SNRK: variants seen among roughly 807,000 people sequenced by gnomAD.
SNRK encodes the protein SNF-related serine/threonine-protein kinase.
SNRK carries 3 observed loss-of-function variants against 48.2 expected under a neutral mutation model. The observed-to-expected ratio is 0.06, with a 90% confidence interval of 0.03 to 0.16. The LOEUF is 0.16. Among genes scored for constraint, SNRK ranks in the 10% least tolerant of loss-of-function variants. The pLI is 1.00. For missense variants in SNRK, 627 were observed against 976.0 expected (o/e 0.64, Z 4.76); for synonymous variants, 376 against 366.1 (o/e 1.03, Z -0.31).
intron 3 of SNRK, among the ~76,000 whole-genome samples, chr3:43,311,695 G>A (rs1160031010): frequency 6.6e-6 from 1 of 152,074 alleles, no homozygotes; most frequent in Non-Finnish European, 1.5e-5. Context: ...ATGAACCTGT[G>A]CCTGCTGGGC....
At chr3:43,304,923 T>G (rs1044638442) in intron 3 of SNRK, among the ~76,000 whole-genome samples, 1 of 152,120 alleles carries the variant, frequency 6.6e-6, no homozygotes, top group Non-Finnish European at 1.5e-5. Flanking sequence ...CATTAGAATA[T>G]CTGAGCGGAG....
chr3:43,286,915 C>G (rs1298570529), intron 1 of SNRK, among the ~76,000 whole-genome samples: 1 of 145,474 alleles, frequency 6.9e-6, no homozygotes, highest in Non-Finnish European at 1.5e-5. Context: ...GGGGCGGCGG[C>G]GGGGCCCGGC....
rs1489113656 is a variant in SNRK at position 43,332,384 on chromosome 3, C to G, written c.731+74C>G. 8 of 963,264 alleles carry G rather than the reference C, an allele frequency of 8.3e-6. No individual in the cohort carries two copies. In the East Asian group the frequency reaches 4.2e-4, roughly 51 times the overall value. The allele number at this position is 963,264 out of a possible 1,614,324, so 59.7% of individuals were successfully genotyped here. ...AGAAGTTTTAATTCCATTAATATGT[C>G]AAGAAAATTTGAGAGGACTTCAAAC... On this transcript the variant is annotated intron_variant, in intron 4 of 6. Transcript: ENST00000296088.
intron 3 of SNRK, among the ~76,000 whole-genome samples, chr3:43,329,598 C>G (rs2091130489): frequency 6.6e-6 from 1 of 152,206 alleles, no homozygotes. Flanking sequence ...GCTTAGCCAA[C>G]TACTTGACAT....
Position 43,347,774 on chromosome 3 carries a change from G to A in SNRK, c.1515G>A (p.Leu505=), listed in dbSNP as rs768551123. 9 of 1,614,198 alleles carry A rather than the reference G, an allele frequency of 5.6e-6. No individual in the cohort carries two copies. The highest frequency in any genetic ancestry group is 1.6e-4 in the Middle Eastern group (1 of 6,062). Residue 505 remains leucine, a synonymous_variant, in exon 7 of 7, where the codon CTG becomes CTA. Transcript: ENST00000296088. The surrounding 1 kb of genome is among the most constrained non-coding windows in gnomAD (Gnocchi z 5.4). ...ATGAGTTTGACATGGATGAGAATCTGCCTCCCAAGTTGAGCAGGTTAAAGA... is the reference window on the plus strand; with the variant it reads ...ATGAGTTTGACATGGATGAGAATCTACCTCCCAAGTTGAGCAGGTTAAAGA... ...SDDEFDMDEN[L]PPKLSRLKMN...
intron 3 of SNRK, among the ~76,000 whole-genome samples, chr3:43,330,931 A>G (rs1484372509): frequency 6.6e-6 from 1 of 152,248 alleles, no homozygotes; most frequent in Non-Finnish European, 1.5e-5. Flanking sequence ...TACGTATTAA[A>G]AAATCACATT....
chr3:43,302,380 A>G (rs903444939), intron 2 of SNRK, among the ~76,000 whole-genome samples: 5 of 152,236 alleles, frequency 3.3e-5, no homozygotes, highest in Non-Finnish European at 7.3e-5. Context: ...TTGCATTTCA[A>G]AATTTAATAA....
intron 3 of SNRK, among the ~76,000 whole-genome samples, chr3:43,312,156 GA>G (rs1224430622): frequency 6.6e-6 from 1 of 152,084 alleles, no homozygotes; most frequent in Non-Finnish European, 1.5e-5. Context: ...TTTCAAAGAT[GA>G]AATATTCAGT....
In SNRK at chr3:43,329,054, T is replaced by G. The variant is rs1478166071; in HGVS notation, c.590-3115T>G. ...ACTATTAGTACTTCCATTTTAAAGA[T>G]TGGGAACACATTTTAAAATAATTTG... On this transcript the variant is annotated intron_variant, in intron 3 of 6. Transcript: ENST00000296088. Among the ~76,000 whole-genome samples, 4 of 152,248 alleles carry G rather than the reference T, an allele frequency of 2.6e-5. No individual in the cohort carries two copies. The East Asian group carries it at 7.7e-4, about 29-fold the overall frequency.
chr3:43,316,363 A>G (rs375306196), intron 3 of SNRK, among the ~76,000 whole-genome samples: 1 of 128,832 alleles, frequency 7.8e-6, no homozygotes, highest in Non-Finnish European at 1.6e-5. Flanking sequence ...AAAAATACCT[A>G]TGTTGCCTGG....
chr3:43,295,453 G>T (rs185069584), intron 1 of SNRK, among the ~76,000 whole-genome samples: 1 of 152,102 alleles, frequency 6.6e-6, no homozygotes. Context: ...ACCTTGTCTT[G>T]GAAAATGCTT....
intron 6 of SNRK, among the ~76,000 whole-genome samples, chr3:43,344,014 C>T (rs1389279079): frequency 1.3e-5 from 2 of 152,138 alleles, no homozygotes; most frequent in Admixed American, 6.5e-5. Context: ...CTTAGCTACC[C>T]GATCTGTAAA....
At position 43,312,591 on chromosome 3, in the gene SNRK, A is replaced by G. The variant is rs73831248; in HGVS notation, c.589+8799A>G. Among the ~76,000 whole-genome samples the G allele has an allele frequency of 6.6e-5, 10 of 152,294 alleles. 1 individual carries two copies. Among genetic ancestry groups the G allele is most frequent in the East Asian group, 3.9e-4 (2 of 5,178 alleles). On this transcript the variant is annotated intron_variant, in intron 3 of 6. Coordinates refer to ENST00000296088, the MANE Select transcript of SNRK (RefSeq NM_017719.5). ...CTAAGTTGAGAAACAAGGCAAGGAT[A>G]TACATATATCACTTTTACTCAACAT... is the stretch of plus-strand genomic sequence containing the variant.
At chr3:43,291,277 T>G (rs542644260) in intron 1 of SNRK, among the ~76,000 whole-genome samples, 1 of 152,326 alleles carries the variant, frequency 6.6e-6, no homozygotes, top group South Asian at 2.1e-4. Context: ...ACACAAAATT[T>G]ATTTCTCCAG....
At chr3:43,337,356 G>A (rs928591207) in intron 4 of SNRK, among the ~76,000 whole-genome samples, 1 of 152,128 alleles carries the variant, frequency 6.6e-6, no homozygotes, top group Non-Finnish European at 1.5e-5. Context: ...TTACAGGCAT[G>A]AACCACTGTG....
At chr3:43,304,395 T>C (rs2090919427) in intron 3 of SNRK, among the ~76,000 whole-genome samples, 1 of 152,210 alleles carries the variant, frequency 6.6e-6, no homozygotes, top group African/African-American at 2.4e-5. Context: ...GAAACTGACA[T>C]ACAGAGGCTT....
In SNRK at chr3:43,343,368, C is replaced by G; in HGVS notation, c.969C>G (p.Asn323Lys). The G allele has an allele frequency of 6.2e-7, 1 of 1,614,074 alleles. No individual in the cohort carries two copies. The highest frequency in any genetic ancestry group is 8.5e-7 in the Non-Finnish European group (1 of 1,180,010). ...GAGCCCTGGAAACCAACAGGTATAA[C>G]CATATCACAGCCACATACTTCCTGC... ...IVEALETNRY[N>K]HITATYFLLA... The change falls in exon 6 of 7, where the codon AAC (asparagine) becomes AAG (lysine). Residue 323 changes from asparagine to lysine, a missense_variant. Physicochemically the swap from Asn to Lys is moderately conservative, Grantham distance 94. This residue lies in a region of SNRK where 175 missense variants were observed against 209.7 expected (regional missense o/e 0.83). Transcript: ENST00000296088.
intron 3 of SNRK, among the ~76,000 whole-genome samples, chr3:43,304,024 TATC>T (rs1026900007): frequency 5.9e-5 from 9 of 152,338 alleles, no homozygotes; most frequent in East Asian, 3.9e-4. Flanking sequence ...ATGAGTAAGT[TATC>T]ATTTAAAGTA....
intron 4 of SNRK, among the ~76,000 whole-genome samples, chr3:43,337,321 G>A (rs1164419590): frequency 1.3e-5 from 2 of 152,052 alleles, no homozygotes; most frequent in Admixed American, 6.6e-5. Flanking sequence ...CAGTCCACCC[G>A]CCTCAGCCTC....
Sources: gnomAD v4.1 joint callset for allele counts (sites outside exome capture counted in the v4.1 genomes callset) on GRCh38, gnomAD v4.1.1 for gene constraint, gnomAD v4.1.1 regional missense constraint, Gnocchi (gnomAD v3.1) non-coding constraint, MANE v1.5 for transcripts, NCBI Gene and HGNC (gene_info 2026-07-23, HGNC 2026-07-21) for gene names.